The following SLC24A2 variants were observed in gnomAD, a reference collection of about 807,000 sequenced individuals.
The protein encoded by SLC24A2 is sodium/potassium/calcium exchanger 2.
A neutral mutation model predicts 62.0 loss-of-function variants in SLC24A2; 36 were observed. That is an observed-to-expected ratio of 0.58 (90% CI 0.44 to 0.77). SLC24A2 has a LOEUF of 0.77. Ranked by LOEUF, SLC24A2 falls within the 30% of genes least tolerant of loss-of-function variation. The probability of loss-of-function intolerance (pLI) is 0.00; values close to 1 mark genes in which losing one functional copy is unlikely to be tolerated. For missense variants in SLC24A2, 846 were observed against 817.9 expected (o/e 1.03, Z -0.42); for synonymous variants, 358 against 294.0 (o/e 1.22, Z -2.23).
At chr9:19,566,623 A>G (rs1028289418) in intron 7 of SLC24A2, among the ~76,000 whole-genome samples, 2 of 152,220 alleles carry the variant, frequency 1.3e-5, no homozygotes, top group African/African-American at 4.8e-5. Flanking sequence ...TATATGCCCA[A>G]AGGATTATAA....
Position 19,612,346 on chromosome 9 carries a change from C to T in SLC24A2, c.1078+7238G>A, listed in dbSNP as rs530517648. Among the ~76,000 whole-genome samples the T allele has an allele frequency of 3.9e-5, 6 of 152,246 alleles. No homozygotes were observed. The South Asian group carries it at 1.0e-3, about 26-fold the overall frequency. ...ACATACTCTTCATTTGTTTTAGTTT[C>T]CTTTTTTTCTAATTTAGAGACAGAG... On this transcript the variant is annotated intron_variant, in intron 4 of 10. Transcript: ENST00000341998.
At chr9:20,230,980 T>A in the SLC24A2 span, among the ~76,000 whole-genome samples, 1 of 152,234 alleles carries the variant, frequency 6.6e-6, no homozygotes, top group African/African-American at 2.4e-5. Context: ...GCACCATTTA[T>A]TAAATAGGGA....
chr9:20,218,627 G>T, the SLC24A2 span, among the ~76,000 whole-genome samples: 3 of 152,186 alleles, frequency 2.0e-5, no homozygotes, highest in Admixed American at 2.0e-4. Context: ...CTAATGTCCT[G>T]TGAAGTTCTA....
the SLC24A2 span, among the ~76,000 whole-genome samples, chr9:20,137,133 A>G: frequency 4.6e-5 from 7 of 152,286 alleles, no homozygotes; most frequent in African/African-American, 1.4e-4. Context: ...AAAGAGTAAC[A>G]CACATGTTTT....
intron 2 of SLC24A2, among the ~76,000 whole-genome samples, chr9:19,730,269 T>C (rs564841812): frequency 3.9e-4 from 60 of 152,310 alleles, no homozygotes; most frequent in South Asian, 3.5e-3. Context: ...AACTTGGCAA[T>C]ATGTATCAAG....
chr9:20,016,111 G>C, the SLC24A2 span, among the ~76,000 whole-genome samples: 1 of 152,142 alleles, frequency 6.6e-6, no homozygotes, highest in Non-Finnish European at 1.5e-5. Flanking sequence ...AACTATAAGA[G>C]GAATGTATAA....
chr9:20,087,431 A>C, the SLC24A2 span, among the ~76,000 whole-genome samples: 1 of 152,226 alleles, frequency 6.6e-6, no homozygotes. Flanking sequence ...CTCATATATC[A>C]GGCCTCATGT....
chr9:19,574,790 A>C (rs980520523), intron 6 of SLC24A2, among the ~76,000 whole-genome samples: 2 of 152,066 alleles, frequency 1.3e-5, no homozygotes, highest in Non-Finnish European at 2.9e-5. Context: ...CTTCATCGCG[A>C]GGGAAATTAA....
intron 8 of SLC24A2, 81 bp from the exon 9 acceptor site, chr9:19,528,219 T>C (rs550142237): frequency 7.7e-6 from 7 of 912,996 alleles, no homozygotes; most frequent in Non-Finnish European, 1.2e-5. Flanking sequence ...AAAGCCACCA[T>C]TGTAGCAATT....
intron 4 of SLC24A2, among the ~76,000 whole-genome samples, chr9:19,609,026 T>C (rs796640096): frequency 2.6e-5 from 4 of 152,296 alleles, no homozygotes; most frequent in African/African-American, 9.6e-5. Context: ...ACTCACTTTC[T>C]CCAGGAACAC....
the SLC24A2 span, among the ~76,000 whole-genome samples, chr9:19,963,991 T>G: frequency 1.3e-5 from 2 of 151,970 alleles, no homozygotes; most frequent in East Asian, 3.9e-4. Flanking sequence ...AATGATAGAC[T>G]GGATTAAGAA....
the SLC24A2 span, among the ~76,000 whole-genome samples, chr9:20,226,704 C>T: frequency 0.11 from 16,595 of 151,914 alleles, 1,056 homozygotes; most frequent in Middle Eastern, 0.16. Flanking sequence ...ATTCCTGTCT[C>T]GTCATCTAGT....
At chr9:19,840,403 C>G in the SLC24A2 span, among the ~76,000 whole-genome samples, 1 of 152,152 alleles carries the variant, frequency 6.6e-6, no homozygotes, top group Non-Finnish European at 1.5e-5. Context: ...CTACAGGCCT[C>G]TTAATTCGAA....
intron 10 of SLC24A2, among the ~76,000 whole-genome samples, chr9:19,517,039 TA>T (rs925395503): frequency 1.5e-4 from 23 of 152,208 alleles, no homozygotes; most frequent in African/African-American, 3.6e-4. Context: ...GTGTTTTTCT[TA>T]AAAAAAACTT....
intron 5 of SLC24A2, among the ~76,000 whole-genome samples, chr9:19,587,473 G>C (rs1375943796): frequency 6.6e-6 from 1 of 152,122 alleles, no homozygotes; most frequent in Non-Finnish European, 1.5e-5. Context: ...TCTGGTACCT[G>C]TAAATCTCAT....
intron 2 of SLC24A2, among the ~76,000 whole-genome samples, chr9:19,695,267 A>G (rs901565546): frequency 5.9e-5 from 9 of 151,886 alleles, no homozygotes; most frequent in African/African-American, 2.2e-4. Flanking sequence ...CTGTAAAGAA[A>G]CCCTGTAATA....
the SLC24A2 span, among the ~76,000 whole-genome samples, chr9:20,263,547 T>A: frequency 1.3e-5 from 2 of 152,084 alleles, no homozygotes; most frequent in African/African-American, 4.8e-5. Flanking sequence ...ACTGCATCCA[T>A]CAGAGAAGGA....
the SLC24A2 span, among the ~76,000 whole-genome samples, chr9:19,968,721 C>T: frequency 1.3e-5 from 2 of 152,164 alleles, no homozygotes; most frequent in Admixed American, 1.3e-4. Flanking sequence ...TACAGAGGTC[C>T]TTGGCCCTCT....
rs543054693 is a variant in SLC24A2, at chr9:19,788,924, G to A, written c.-193C>T. ...AGGACGCGCACACGGCGGGGCCCCC[G>A]AGCGCGGCCCGCCGCTCCAGTCCGC... On this transcript the variant is annotated 5_prime_UTR_variant, in exon 1 of 11. Transcript: ENST00000341998. The A allele has an allele frequency of 2.9e-4, 281 of 985,142 alleles. No individual in the cohort carries two copies. Among genetic ancestry groups the A allele is most frequent in the Non-Finnish European group, 3.3e-4 (275 of 829,680 alleles). 61.0% of individuals were successfully genotyped at this position (985,142 alleles called of 1,614,324 possible).
Sources: allele counts gnomAD v4.1 joint callset (sites outside exome capture counted in the v4.1 genomes callset), GRCh38; gene constraint gnomAD v4.1.1; transcripts MANE v1.5; gene names NCBI Gene and HGNC (gene_info 2026-07-23, HGNC 2026-07-21).